The following PRAMEF11 variants were observed in gnomAD, a reference collection of about 807,000 sequenced individuals.
PRAMEF11 encodes PRAME family member 11.
Under a neutral mutation model 33.6 loss-of-function variants are expected in PRAMEF11, and 17 were observed. That is an observed-to-expected ratio of 0.51 (90% CI 0.35 to 0.76). The LOEUF is 0.76. Ranked by LOEUF, PRAMEF11 falls within the 30% of genes least tolerant of loss-of-function variation. The probability of loss-of-function intolerance (pLI) is 0.01; values close to 1 mark genes in which losing one functional copy is unlikely to be tolerated. For missense variants in PRAMEF11, 568 were observed against 567.0 expected, an observed-to-expected ratio of 1.00 and a Z score of -0.02; for synonymous variants, 205 against 227.3, an observed-to-expected ratio of 0.90 and a Z score of 0.88.
Position 12,831,396 on chromosome 1 carries a change from A to G in PRAMEF11, c.-57T>C, listed in dbSNP as rs1640004398. 6.6e-6 allele frequency: 1 copy of G among 151,088 alleles called. No individual in the cohort carries two copies. The highest frequency in any genetic ancestry group is 1.5e-5 in the Non-Finnish European group (1 of 67,746). 9.4% of individuals were successfully genotyped at this position (151,088 alleles called of 1,614,324 possible). A position where few individuals can be genotyped will look rare whatever the true frequency, so the allele number is the denominator to read the frequency against. On this transcript the variant is annotated 5_prime_UTR_variant, in exon 1 of 4. Coordinates refer to ENST00000619922, the MANE Select transcript of PRAMEF11 (RefSeq NM_001146344.3). ...TCTAGAAGGTGCTCAGACCTCAGGA[A>G]GAACCAAGCAGGAACTCCAGGCTTG...
At chr1:12,828,898 A>C (rs1277549213) in intron 1 of PRAMEF11, 93 bp from the exon 2 acceptor site, 14 of 1,562,018 alleles carry the variant, frequency 9.0e-6, no homozygotes, top group Non-Finnish European at 1.2e-5. Flanking sequence ...CTGCTCTGGC[A>C]ATGGTGAAAC....
chr1:12,826,345 T>C (rs1639867206), intron 3 of PRAMEF11, among the ~76,000 whole-genome samples: 1 of 150,924 alleles, frequency 6.6e-6, no homozygotes, highest in African/African-American at 2.4e-5. Context: ...GAATTAGAGA[T>C]GGGATCATTC....
In PRAMEF11 at chr1:12,824,914, T is replaced by C. The variant is rs1191880694; in HGVS notation, c.*28A>G. ...TTCCAAGTGTCCAGAAGAAAGCGTT[T>C]GACATACCCATCCAAATAGGCAGGC... On this transcript the variant is annotated 3_prime_UTR_variant, in exon 4 of 4. Coordinates refer to ENST00000619922, the MANE Select transcript of PRAMEF11 (RefSeq NM_001146344.3). The C allele has an allele frequency of 6.2e-7, 1 of 1,607,052 alleles. No individual in the cohort carries two copies. The highest frequency in any genetic ancestry group is 1.3e-5 in the African/African-American group (1 of 74,416).
rs752702626 is a variant in PRAMEF11, at chr1:12,825,248, G to A, written c.1131C>T (p.Ser377=). Residue 377 remains serine, a synonymous_variant, in exon 4 of 4, where the codon AGC becomes AGT. Coordinates refer to ENST00000619922, the MANE Select transcript of PRAMEF11 (RefSeq NM_001146344.3). ...SQVNAILPAL[S]RCFELNTFSF... ...TGAAGGTGTTGAGCTCAAAGCAGCG[G>A]CTCAGGGCAGGCAGGATGGCGTTGA... 1.1e-4 allele frequency: 179 copies of A among 1,606,424 alleles called. 8 individuals are homozygous for A. The highest frequency in any genetic ancestry group is 1.4e-4 in the Non-Finnish European group (170 of 1,177,304).
rs751629857 is a variant in PRAMEF11, at chr1:12,828,730, C to T, written c.60G>A (p.Leu20=). Residue 20 remains leucine, a synonymous_variant, in exon 2 of 4, where the codon CTG becomes CTA. Transcript: ENST00000619922. ...TGGAGACGGCCAAGGCTTGGTCCCT[C>T]AGCAGGCTCCGCCCCGCAAGCTCCA... is the stretch of plus-strand genomic sequence containing the variant. ...RLLELAGRSL[L]RDQALAVSTL... 13 of 1,610,242 alleles carry T rather than the reference C, an allele frequency of 8.1e-6. 1 individual carries two copies. In the East Asian group the frequency reaches 9.0e-5, roughly 11 times the overall value.
chr1:12,828,864 C>T (rs1229487234), intron 1 of PRAMEF11, 59 bp from the exon 2 acceptor site: 48 of 1,600,748 alleles, frequency 3.0e-5, no homozygotes, highest in Admixed American at 5.1e-5. Flanking sequence ...CATGCAATCT[C>T]ATCTTCTCCC....
In PRAMEF11 at chr1:12,828,822, C is replaced by A; in HGVS notation, c.-16-17G>T. ...CAGGGAAAACTTCCAGAGGACAAAC[C>A]CAGAGAAAAGGCATCACTCTCAGGC... On this transcript the variant is annotated splice_polypyrimidine_tract_variant and intron_variant, in intron 1 of 3. Transcript: ENST00000619922. The A allele has an allele frequency of 6.2e-7, 1 of 1,608,192 alleles. No individual in the cohort carries two copies. The highest frequency in any genetic ancestry group is 1.1e-5 in the South Asian group (1 of 90,486).
rs894308238 is a variant in PRAMEF11 at position 12,829,770 on chromosome 1, G to T, written c.-16-965C>A. ...CGCCTGTAGTCCAAGCTAATAGGGA[G>T]GCTGAGGTAGGAGGATCACTTGAAC... On this transcript the variant is annotated intron_variant, in intron 1 of 3. Coordinates refer to ENST00000619922, the MANE Select transcript of PRAMEF11 (RefSeq NM_001146344.3). Among the ~76,000 whole-genome samples, 11 of 150,970 alleles carry T rather than the reference G, an allele frequency of 7.3e-5. 1 individual carries two copies. Among genetic ancestry groups the T allele is most frequent in the Non-Finnish European group, 1.2e-4 (8 of 67,706 alleles).
At chr1:12,830,112 C>T (rs1639974929) in intron 1 of PRAMEF11, among the ~76,000 whole-genome samples, 1 of 151,336 alleles carries the variant, frequency 6.6e-6, no homozygotes, top group African/African-American at 2.4e-5. Flanking sequence ...TGAACCTCTT[C>T]CTGATATTAG....
chr1:12,829,014 G>A (rs1262308098), intron 1 of PRAMEF11, among the ~76,000 whole-genome samples: 2 of 151,614 alleles, frequency 1.3e-5, no homozygotes, highest in Non-Finnish European at 2.9e-5. Flanking sequence ...AGGAAGCAGG[G>A]CCACCACGAG....
intron 2 of PRAMEF11, among the ~76,000 whole-genome samples, chr1:12,828,057 C>G (rs562560358): frequency 1.3e-5 from 2 of 150,138 alleles, no homozygotes; most frequent in African/African-American, 2.4e-5. Flanking sequence ...GTGATGTCAC[C>G]TCACTGCAAC....
At chr1:12,827,096 C>G (rs1218671767) in intron 3 of PRAMEF11, among the ~76,000 whole-genome samples, 153 bp downstream of exon 3, 1 of 151,440 alleles carries the variant, frequency 6.6e-6, no homozygotes, top group African/African-American at 2.4e-5. Context: ...ATACCCATTT[C>G]AGGACAGGGC....
rs547381640 is a variant in PRAMEF11 at position 12,828,942 on chromosome 1, C to G, written c.-16-137G>C. Reference sequence around the variant, plus strand: ...GTTTACTCCAATTCTACTCTGTACTCAGTGGCCATTAAGCCAGCATTCTGC... The same window carrying G: ...GTTTACTCCAATTCTACTCTGTACTGAGTGGCCATTAAGCCAGCATTCTGC... On this transcript the variant is annotated intron_variant, in intron 1 of 3. Coordinates refer to ENST00000619922, the MANE Select transcript of PRAMEF11 (RefSeq NM_001146344.3). 5.8e-4 allele frequency: 722 copies of G among 1,244,676 alleles called. 25 individuals carry two copies. In the South Asian group the frequency reaches 9.8e-3, roughly 17 times the overall value. The allele number at this position is 1,244,676 out of a possible 1,614,324, so 77.1% of individuals were successfully genotyped here. A position where few individuals can be genotyped will look rare whatever the true frequency, so the allele number is the denominator to read the frequency against.
intron 3 of PRAMEF11, 59 bp from the exon 4 acceptor site, chr1:12,825,562 T>C: frequency 1.6e-6 from 1 of 618,132 alleles, no homozygotes; most frequent in Non-Finnish European, 2.7e-6. Flanking sequence ...TGGAGGGTGG[T>C]GGGGAATGGC....
intron 3 of PRAMEF11, 92 bp downstream of exon 3, chr1:12,827,157 C>T (rs1639886204): frequency 6.3e-7 from 1 of 1,575,198 alleles, no homozygotes; most frequent in Non-Finnish European, 8.6e-7. Flanking sequence ...ACTGTTACAT[C>T]CTCATAGGCT....
chr1:12,825,929 A>G (rs3929649), intron 3 of PRAMEF11, among the ~76,000 whole-genome samples: 8,528 of 149,622 alleles, frequency 0.057, 824 homozygotes, highest in African/African-American at 0.2. Context: ...AGCAGAGATC[A>G]TGCCACTACA....
In PRAMEF11 at chr1:12,828,515, G is replaced by A. The variant is rs755661194; in HGVS notation, c.275C>T (p.Thr92Ile). ...ACCTCACCTGGGACGAACCCCTTGGGTAAGCAGTGCATCCAGCCCATCGAG... is the reference window on the plus strand; with the variant it reads ...ACCTCACCTGGGACGAACCCCTTGGATAAGCAGTGCATCCAGCCCATCGAG... ...AVLDGLDALL[T>I]QGVRPRRWKL... The change falls in exon 2 of 4, where the codon ACC (threonine) becomes ATC (isoleucine). Residue 92 changes from threonine to isoleucine, a missense_variant. By Grantham distance (89) the Thr-to-Ile change is moderately conservative. Coordinates refer to ENST00000619922, the MANE Select transcript of PRAMEF11 (RefSeq NM_001146344.3). The A allele has an allele frequency of 1.9e-6, 3 of 1,600,524 alleles. No individual in the cohort carries two copies. The highest frequency in any genetic ancestry group is 2.6e-6 in the Non-Finnish European group (3 of 1,173,086).
In PRAMEF11 at chr1:12,828,748, A is replaced by C. The variant is rs370474145; in HGVS notation, c.42T>G (p.Leu14=). ...GGTCCCTCAGCAGGCTCCGCCCCGC[A>C]AGCTCCAGGAGTCTGGGTGGAATCC... ...SIRIPPRLLE[L]AGRSLLRDQA... is the part of the protein sequence containing the mutation. Residue 14 remains leucine (L), a synonymous_variant, in exon 2 of 4, where the codon CTT becomes CTG. Transcript: ENST00000619922. 230 of 1,604,376 alleles carry C rather than the reference A, an allele frequency of 1.4e-4. 5 individuals carry two copies. Among genetic ancestry groups the C allele is most frequent in the Admixed American group, 5.1e-4 (30 of 59,124 alleles).
chr1:12,829,200 G>A (rs1377885505), intron 1 of PRAMEF11, among the ~76,000 whole-genome samples: 2 of 151,378 alleles, frequency 1.3e-5, no homozygotes, highest in East Asian at 3.9e-4. Flanking sequence ...TAAGCTTGTT[G>A]GGAACATTCA....
Sources: gnomAD v4.1 joint callset for allele counts (sites outside exome capture counted in the v4.1 genomes callset) on GRCh38, gnomAD v4.1.1 for gene constraint, MANE v1.5 for transcripts, NCBI Gene and HGNC (gene_info 2026-07-23, HGNC 2026-07-21) for gene names.